Variants in PARD3 observed in about 807,000 individuals in gnomAD.
PARD3 encodes par-3 family cell polarity regulator.
In PARD3, 75 loss-of-function variants were observed where a neutral mutation model predicts 155.4. That is an observed-to-expected ratio of 0.48 (90% CI 0.40 to 0.58). PARD3 has a LOEUF of 0.58. Ranked by LOEUF, PARD3 falls within the 20% of genes least tolerant of loss-of-function variation. The pLI, the probability that PARD3 is intolerant of heterozygous loss-of-function variation, is 0.00. For missense variants in PARD3, 1,642 were observed against 1,721.7 expected, an observed-to-expected ratio of 0.95 and a Z score of 0.82; for synonymous variants, 576 against 610.5, an observed-to-expected ratio of 0.94 and a Z score of 0.83.
At chr10:34,539,152 T>C (rs1040948474) in intron 2 of PARD3, among the ~76,000 whole-genome samples, 3 of 152,182 alleles carry the variant, frequency 2.0e-5, no homozygotes, top group African/African-American at 7.2e-5. Flanking sequence ...ACATATTCCA[T>C]ATTACCTGCC....
At chr10:34,217,597 G>A (rs116007385) in intron 22 of PARD3, among the ~76,000 whole-genome samples, 245 of 152,250 alleles carry the variant, frequency 1.6e-3, no homozygotes, top group African/African-American at 5.7e-3. Flanking sequence ...GGATAGACGG[G>A]CATGGAACCA....
intron 2 of PARD3, among the ~76,000 whole-genome samples, chr10:34,653,194 G>A (rs1388919104): frequency 1.3e-5 from 2 of 152,104 alleles, no homozygotes; most frequent in Non-Finnish European, 2.9e-5. Context: ...TAGGGGGGAA[G>A]CAAATTACGT....
In PARD3 at chr10:34,395,630, G is replaced by T. The variant is rs1252695884; in HGVS notation, c.890+3700C>A. Among the ~76,000 whole-genome samples, 2 of 85,856 alleles carry T rather than the reference G, an allele frequency of 2.3e-5. 1 individual carries two copies. Among genetic ancestry groups the T allele is most frequent in the Non-Finnish European group, 4.0e-5 (2 of 49,392 alleles). The allele number at this position is 85,856 out of a possible 152,430, so 56.3% of individuals were successfully genotyped here. Reference sequence around the variant, plus strand: ...AGGCGGGTGGATCATGAGGTCAGGAGATCGAGACCATCCTGGCTAACAAGG... The same window carrying T: ...AGGCGGGTGGATCATGAGGTCAGGATATCGAGACCATCCTGGCTAACAAGG... On this transcript the variant is annotated intron_variant, in intron 7 of 24. Coordinates refer to ENST00000374788, the MANE Select transcript of PARD3 (RefSeq NM_001184785.2).
chr10:34,269,095 TAC>T (rs1026615536), intron 22 of PARD3, among the ~76,000 whole-genome samples: 127 of 152,270 alleles, frequency 8.3e-4, no homozygotes, highest in African/African-American at 3.0e-3. Context: ...AATTAAAAAA[TAC>T]AGTTAACATT....
chr10:34,177,322 T>C (rs1950075574), intron 22 of PARD3, among the ~76,000 whole-genome samples: 1 of 152,108 alleles, frequency 6.6e-6, no homozygotes. Context: ...CCTCCTCATC[T>C]CCCTATGCAG....
Position 34,196,568 on chromosome 10 carries a change from C to CTTTTTTT in PARD3, c.3420-64992_3420-64986dup, listed in dbSNP as rs71523319. ...AGTTACAAATACTTTGTACCCTTTT[C>CTTTTTTT]TTTTTTTTTTTTTTTTTTTTTTTGA... is the stretch of plus-strand genomic sequence containing the variant. On this transcript the variant is annotated intron_variant, in intron 22 of 24. Coordinates refer to ENST00000374788, the MANE Select transcript of PARD3 (RefSeq NM_001184785.2). Among the ~76,000 whole-genome samples the CTTTTTTT allele has an allele frequency of 4.2e-3, 411 of 97,420 alleles. 6 individuals are homozygous for CTTTTTTT. Among genetic ancestry groups the CTTTTTTT allele is most frequent in the East Asian group, 0.013 (40 of 3,052 alleles). The allele number at this position is 97,420 out of a possible 152,430, so 63.9% of individuals were successfully genotyped here.
chr10:34,598,137 T>C (rs1327036397), intron 2 of PARD3, among the ~76,000 whole-genome samples: 1 of 152,206 alleles, frequency 6.6e-6, no homozygotes, highest in Non-Finnish European at 1.5e-5. Flanking sequence ...CAGAACGTAG[T>C]TAATTATGCA....
intron 2 of PARD3, among the ~76,000 whole-genome samples, chr10:34,522,202 A>C (rs2082189832): frequency 6.6e-6 from 1 of 152,206 alleles, no homozygotes; most frequent in Non-Finnish European, 1.5e-5. Context: ...GGCTGCGGCC[A>C]GAGAGAAACG....
chr10:34,811,162 T>C (rs911388061), intron 1 of PARD3, among the ~76,000 whole-genome samples: 7 of 152,116 alleles, frequency 4.6e-5, no homozygotes, highest in African/African-American at 1.7e-4. Flanking sequence ...CCAAACCTCA[T>C]CTAAGGTTGC....
chr10:34,215,592 T>C (rs1385741923), intron 22 of PARD3, among the ~76,000 whole-genome samples: 2 of 152,228 alleles, frequency 1.3e-5, no homozygotes, highest in African/African-American at 4.8e-5. Flanking sequence ...ATCAAGAATT[T>C]TGAAGAGTTC....
At chr10:34,174,163 T>C (rs574584684) in intron 22 of PARD3, among the ~76,000 whole-genome samples, 2 of 152,342 alleles carry the variant, frequency 1.3e-5, no homozygotes, top group South Asian at 4.1e-4. Flanking sequence ...CGTGGCCAAC[T>C]AGAAACACAC....
At chr10:34,546,717 C>T (rs80258202) in intron 2 of PARD3, among the ~76,000 whole-genome samples, 29 of 152,114 alleles carry the variant, frequency 1.9e-4, no homozygotes, top group African/African-American at 6.7e-4. Flanking sequence ...CAATAAGTTC[C>T]AGGGTTTCAC....
intron 23 of PARD3, among the ~76,000 whole-genome samples, chr10:34,123,103 C>A (rs1205605684): frequency 1.3e-5 from 2 of 152,084 alleles, no homozygotes; most frequent in Non-Finnish European, 2.9e-5. Flanking sequence ...TTACAAATAA[C>A]CCTGTGATGA....
intron 20 of PARD3, among the ~76,000 whole-genome samples, chr10:34,314,405 C>T (rs74131696): frequency 0.016 from 2,402 of 152,220 alleles, 73 homozygotes; most frequent in African/African-American, 0.055. Context: ...AAGCTTATTT[C>T]GTGTTTAATA....
chr10:34,494,185 A>C (rs1185586741), intron 3 of PARD3, among the ~76,000 whole-genome samples: 3 of 152,230 alleles, frequency 2.0e-5, no homozygotes, highest in Non-Finnish European at 4.4e-5. Context: ...CACCTACTGA[A>C]GAAACTGTTA....
At chr10:34,355,924 CA>C (rs869284165) in intron 14 of PARD3, among the ~76,000 whole-genome samples, 154 of 42,748 alleles carry the variant, frequency 3.6e-3, no homozygotes, top group African/African-American at 0.011. Context: ...CACTCCGTCT[CA>C]AAAAAAAAAA....
In PARD3 at chr10:34,364,094, C is replaced by A. The variant is rs74518678; in HGVS notation, c.1708-3835G>T. On this transcript the variant is annotated intron_variant, in intron 12 of 24. Transcript: ENST00000374788. The stretch of plus-strand genomic sequence containing the variant: ...CCAAAAAACTGAGAATAGAGCTGGC[C>A]TATAGGCCCAAATCCACAGTTAATC... Among the ~76,000 whole-genome samples, 81 of 152,258 alleles carry A rather than the reference C, an allele frequency of 5.3e-4. 2 individuals carry two copies. The East Asian group carries it at 0.015, about 28-fold the overall frequency.
chr10:34,760,602 G>C (rs991634806), intron 1 of PARD3, among the ~76,000 whole-genome samples: 1 of 152,210 alleles, frequency 6.6e-6, no homozygotes, highest in Non-Finnish European at 1.5e-5. Flanking sequence ...AAAGCGCTGG[G>C]ATTACAGGCA....
At chr10:34,330,052 A>G (rs181717434) in intron 19 of PARD3, among the ~76,000 whole-genome samples, 1 of 152,238 alleles carries the variant, frequency 6.6e-6, no homozygotes, top group Admixed American at 6.5e-5. Flanking sequence ...GTAATTTACA[A>G]TCTACACAAA....
Sources: gnomAD v4.1 joint callset for allele counts (sites outside exome capture counted in the v4.1 genomes callset) on GRCh38, gnomAD v4.1.1 for gene constraint, MANE v1.5 for transcripts, NCBI Gene and HGNC (gene_info 2026-07-23, HGNC 2026-07-21) for gene names.